Variants in ALOX5AP observed in about 807,000 individuals in gnomAD.
ALOX5AP encodes the protein arachidonate 5-lipoxygenase-activating protein.
Under a neutral mutation model 18.5 loss-of-function variants are expected in ALOX5AP, and 9 were observed. The observed-to-expected ratio is 0.49, with a 90% CI of 0.29 to 0.85. ALOX5AP has a LOEUF of 0.85. ALOX5AP is among the 40% of genes least tolerant of loss of function. The pLI is 0.08. For synonymous variants in ALOX5AP, 81 were observed against 78.6 expected, an observed-to-expected ratio of 1.03 and a Z score of -0.16; for missense variants, 172 against 202.5, an observed-to-expected ratio of 0.85 and a Z score of 0.91.
At chr13:30,742,297 C>G (rs1480077582) in intron 1 of ALOX5AP, 2 of 151,572 alleles carry the variant, frequency 1.3e-5, no homozygotes, top group East Asian at 3.9e-4. Context: ...GCCTGGGCAA[C>G]AGAGTGAGAC....
chr13:30,727,726 G>T (rs939081283), intron 1 of ALOX5AP, among the ~76,000 whole-genome samples: 4 of 152,132 alleles, frequency 2.6e-5, no homozygotes. Context: ...GAGGGCATCA[G>T]ATTCTCCTGC....
intron 4 of ALOX5AP, among the ~76,000 whole-genome samples, chr13:30,762,256 A>G (rs1188491702): frequency 1.3e-5 from 2 of 152,206 alleles, no homozygotes; most frequent in Non-Finnish European, 2.9e-5. Flanking sequence ...GGAGCTTGAT[A>G]CATAATGGCT....
intron 1 of ALOX5AP, among the ~76,000 whole-genome samples, chr13:30,720,019 G>A (rs1951581369): frequency 6.6e-6 from 1 of 152,122 alleles, no homozygotes; most frequent in South Asian, 2.1e-4. Context: ...ATGCCACCAC[G>A]CCCAGATAAT....
intron 3 of ALOX5AP, among the ~76,000 whole-genome samples, chr13:30,752,376 A>G (rs567170819): frequency 7.9e-5 from 12 of 152,254 alleles, no homozygotes; most frequent in African/African-American, 2.9e-4. Context: ...AGGGTGGTTT[A>G]AGGCTAAATG....
In ALOX5AP at chr13:30,764,118, A is replaced by AT. The variant is rs1951970034; in HGVS notation, c.*13dup. ...TTCTCATTCCCTAACTCTCTGCTGAATATGGGGTTGGTGTTCTCATCTAAT... is the reference window on the plus strand; with the variant it reads ...TTCTCATTCCCTAACTCTCTGCTGAATTATGGGGTTGGTGTTCTCATCTAAT... On this transcript the variant is annotated 3_prime_UTR_variant, in exon 5 of 5. Coordinates refer to ENST00000380490, the MANE Select transcript of ALOX5AP (RefSeq NM_001629.4). The AT allele has an allele frequency of 1.2e-6, 2 of 1,612,620 alleles. No individual in the cohort carries two copies. The highest frequency in any genetic ancestry group is 2.2e-5 in the South Asian group (2 of 90,878).
chr13:30,735,442 AAAAAAAAAAAAAAAAAAGG>A, upstream of ALOX5AP: 1 of 1,032,114 alleles, frequency 9.7e-7, no homozygotes, highest in East Asian at 3.6e-5. Context: ...GTTAAAAAAA[AAAAAAAAAAAAAAAAAAGG>A]AAGAAGAAGG....
intron 3 of ALOX5AP, among the ~76,000 whole-genome samples, chr13:30,754,345 G>T (rs1260367194): frequency 6.6e-6 from 1 of 152,242 alleles, no homozygotes. Flanking sequence ...GTTTTGGGGA[G>T]TGGCTGATTG....
chr13:30,756,813 CAAAAAAAAA>C (rs60551684), intron 4 of ALOX5AP, among the ~76,000 whole-genome samples: 1 of 59,282 alleles, frequency 1.7e-5, no homozygotes, highest in African/African-American at 7.9e-5. Flanking sequence ...AACTCCATCT[CAAAAAAAAA>C]AAAAAAAAAA....
rs1317257462 is a variant in ALOX5AP, at chr13:30,763,931, C to A, written c.324-13C>A. On this transcript the variant is annotated splice_polypyrimidine_tract_variant and intron_variant, in intron 4 of 4. Coordinates refer to ENST00000380490, the MANE Select transcript of ALOX5AP (RefSeq NM_001629.4). ...GCACTGCATCTACAGTTTTCTTTTT[C>A]CTTCTCTTCCAGCACCCCTGGCTAC... 6.2e-7 allele frequency: 1 copy of A among 1,606,334 alleles called. No homozygotes were observed. The highest frequency in any genetic ancestry group is 8.5e-7 in the Non-Finnish European group (1 of 1,177,598).
intron 1 of ALOX5AP, among the ~76,000 whole-genome samples, chr13:30,717,039 A>C (rs1454644110): frequency 6.6e-6 from 1 of 152,154 alleles, no homozygotes; most frequent in African/African-American, 2.4e-5. Context: ...TCACATGAGC[A>C]CAGCTGACTG....
chr13:30,758,573 C>T (rs1449378796), intron 4 of ALOX5AP, among the ~76,000 whole-genome samples: 1 of 152,132 alleles, frequency 6.6e-6, no homozygotes, highest in Non-Finnish European at 1.5e-5. Flanking sequence ...GAGCTTCTTC[C>T]TTCAGGCTTC....
chr13:30,743,257 C>T (rs989811536), intron 1 of ALOX5AP, among the ~76,000 whole-genome samples: 6 of 152,046 alleles, frequency 3.9e-5, no homozygotes, highest in African/African-American at 1.4e-4. Context: ...CCTTACCATG[C>T]TCTTCTTTCG....
At chr13:30,757,435 A>G (rs1951905422) in intron 4 of ALOX5AP, among the ~76,000 whole-genome samples, 1 of 152,152 alleles carries the variant, frequency 6.6e-6, no homozygotes, top group Admixed American at 6.5e-5. Flanking sequence ...CTCTAAAACC[A>G]CAATTCCATT....
intron 2 of ALOX5AP, among the ~76,000 whole-genome samples, chr13:30,746,155 G>A (rs554860394): frequency 1.7e-4 from 26 of 152,346 alleles, no homozygotes; most frequent in Admixed American, 1.6e-3. Flanking sequence ...CCTTTGGTTG[G>A]TGGCTATGCT....
At chr13:30,735,424 G>C (rs112066079), upstream of ALOX5AP, 1 of 1,262,582 alleles carries the variant, frequency 7.9e-7, no homozygotes, top group East Asian at 2.7e-5. Context: ...AGGGCATTTT[G>C]GTGGTTAGTT....
chr13:30,747,048 C>T (rs952534772), intron 2 of ALOX5AP, among the ~76,000 whole-genome samples: 7 of 152,260 alleles, frequency 4.6e-5, no homozygotes, highest in East Asian at 1.9e-4. Flanking sequence ...TGTGGCTCAT[C>T]GGCTCAGACT....
chr13:30,755,461 G>T (rs554278429), intron 3 of ALOX5AP, among the ~76,000 whole-genome samples: 279 of 152,206 alleles, frequency 1.8e-3, no homozygotes, highest in Admixed American at 6.0e-3. Context: ...AGAAATGTGG[G>T]TACTAGTTAT....
intron 1 of ALOX5AP, among the ~76,000 whole-genome samples, chr13:30,714,572 T>TGGAGGTGGGAGGTGGGAGGTG (rs59000904): frequency 2.1e-5 from 1 of 46,980 alleles, no homozygotes; most frequent in Non-Finnish European, 5.2e-5. Flanking sequence ...GAGAGCTTGG[T>TGGAGGTGGGAGGTGGGAGGTG]GGAGGTGGGA....
intron 4 of ALOX5AP, among the ~76,000 whole-genome samples, chr13:30,757,001 C>T (rs781700115): frequency 2.6e-5 from 4 of 152,070 alleles, no homozygotes; most frequent in African/African-American, 7.2e-5. Context: ...GAAGAAATGT[C>T]GGCGTTAGAG....
Sources: gnomAD v4.1 joint callset for allele counts (sites outside exome capture counted in the v4.1 genomes callset) on GRCh38, gnomAD v4.1.1 for gene constraint, MANE v1.5 for transcripts, NCBI Gene and HGNC (gene_info 2026-07-23, HGNC 2026-07-21) for gene names.